REC8: variants seen among roughly 807,000 people sequenced by gnomAD.
REC8 encodes the protein meiotic recombination protein REC8 homolog.
REC8 carries 42 observed loss-of-function variants against 78.3 expected under a neutral mutation model. The observed-to-expected ratio is 0.54, with a 90% CI of 0.42 to 0.69. The LOEUF is 0.69. REC8 is among the 30% of genes least tolerant of loss of function. The pLI is 0.00. For synonymous variants in REC8, 268 were observed against 274.1 expected, an observed-to-expected ratio of 0.98 and a Z score of 0.22; for missense variants, 581 against 715.8, an observed-to-expected ratio of 0.81 and a Z score of 2.15.
intron 6 of REC8, 107 bp from the exon 7 acceptor site, chr14:24,176,715 T>C (rs2139132511): frequency 1.2e-6 from 1 of 834,950 alleles, no homozygotes; most frequent in African/African-American, 1.7e-5. Flanking sequence ...CTGGGTCTGA[T>C]TAGAATCCAG....
Position 24,172,285 on chromosome 14 carries a change from A to G in REC8, c.-268A>G, listed in dbSNP as rs2038702094. 1.6e-5 allele frequency: 8 copies of G among 512,766 alleles called. No individual in the cohort carries two copies. In the South Asian group the frequency reaches 2.0e-4, roughly 13 times the overall value. 31.8% of individuals were successfully genotyped at this position (512,766 alleles called of 1,614,324 possible). A position where few individuals can be genotyped will look rare whatever the true frequency, so the allele number is the denominator to read the frequency against. On this transcript the variant is annotated 5_prime_UTR_variant, in exon 1 of 19. Transcript: ENST00000611366. ...CCTGGAACCCAACCCAGAAGTCTCA[A>G]GTTTGACGCATCACGTGGCGTGCGG...
At chr14:24,178,991 A>G (rs2039033287) in intron 14 of REC8, 75 bp downstream of exon 14, 2 of 1,601,596 alleles carry the variant, frequency 1.2e-6, no homozygotes, top group Non-Finnish European at 1.7e-6. Flanking sequence ...CTCTCCTGCT[A>G]TGAGAGCCAA....
rs781449965 is a variant in REC8, at chr14:24,179,661, G to T, written c.1386G>T (p.Val462=). 6.7e-5 allele frequency: 108 copies of T among 1,614,092 alleles called. No homozygotes were observed. The highest frequency in any genetic ancestry group is 9.1e-5 in the Non-Finnish European group (107 of 1,180,032). The change falls in exon 17 of 19, where the codon GTG becomes GTT. Residue 462 remains valine (V), a synonymous_variant. Coordinates refer to ENST00000611366, the MANE Select transcript of REC8 (RefSeq NM_001048205.2). ...CCGTGGTGCCTGAACTCCCTGAGGTGCCCATGGAGATGCCTTTGGTGCTGC... is the reference window on the plus strand; with the variant it reads ...CCGTGGTGCCTGAACTCCCTGAGGTTCCCATGGAGATGCCTTTGGTGCTGC... ...ALPVVPELPE[V]PMEMPLVLPP...
chr14:24,172,382 C>A lies in REC8; in HGVS notation c.-171C>A. 1 of 621,846 alleles carries A rather than the reference C, an allele frequency of 1.6e-6. No individual in the cohort carries two copies. 38.5% of individuals were successfully genotyped at this position (621,846 alleles called of 1,614,324 possible). On this transcript the variant is annotated 5_prime_UTR_variant, in exon 1 of 19. Coordinates refer to ENST00000611366, the MANE Select transcript of REC8 (RefSeq NM_001048205.2). ...GTTATCCTGGTAATTGTGTATCTGCCCATTGTTCGTTGCCTCATTAACTTG... is the reference window on the plus strand; with the variant it reads ...GTTATCCTGGTAATTGTGTATCTGCACATTGTTCGTTGCCTCATTAACTTG...
rs2038986223 is a variant in REC8 at position 24,178,175 on chromosome 14, G to A, written c.949G>A (p.Glu317Lys). 7 of 1,614,080 alleles carry A rather than the reference G, an allele frequency of 4.3e-6. No homozygotes were observed. The highest frequency in any genetic ancestry group is 3.3e-4 in the Middle Eastern group (2 of 6,058). ...GGACAAGGAGACTCAGATCTCCCCG[G>A]AGAAATTCCAGGAACAACTGCAAAC... The part of the protein sequence containing the change: ...FWDKETQISP[E>K]KFQEQLQTRA... Residue 317 changes from glutamate to lysine, a missense_variant, in exon 12 of 19, where the codon GAG becomes AAG. Physicochemically the swap from Glu to Lys is moderately conservative, Grantham distance 56 (BLOSUM62 1). Transcript: ENST00000611366.
Position 24,172,470 on chromosome 14 carries a change from T to C in REC8, c.-83T>C. The stretch of plus-strand genomic sequence containing the variant: ...CAAATCCTGACTTCTCTCCAAGGTG[T>C]TGGGAATTCTGTGCCCTAAAGAATT... On this transcript the variant is annotated 5_prime_UTR_variant, in exon 1 of 19. Coordinates refer to ENST00000611366, the MANE Select transcript of REC8 (RefSeq NM_001048205.2). 3.5e-6 allele frequency: 5 copies of C among 1,434,664 alleles called. No homozygotes were observed. The highest frequency in any genetic ancestry group is 1.4e-5 in the African/African-American group (1 of 70,576). 88.9% of individuals were successfully genotyped at this position (1,434,664 alleles called of 1,614,324 possible). A position where few individuals can be genotyped will look rare whatever the true frequency, so the allele number is the denominator to read the frequency against.
Position 24,178,154 on chromosome 14 carries a change from A to C in REC8, c.928A>C (p.Lys310Gln). ...TCGTCGCCGGTTACTGTTCTGGGAC[A>C]AGGAGACTCAGATCTCCCCGGAGAA... Reference protein sequence around the residue: ...RRRRRLLFWDKETQISPEKFQ... With the variant: ...RRRRRLLFWDQETQISPEKFQ... The change falls in exon 12 of 19, where the codon AAG becomes CAG. Residue 310 changes from lysine to glutamine, a missense_variant. Transcript: ENST00000611366. The C allele has an allele frequency of 6.2e-7, 1 of 1,614,048 alleles. No individual in the cohort carries two copies. The highest frequency in any genetic ancestry group is 8.5e-7 in the Non-Finnish European group (1 of 1,179,956).
In REC8 at chr14:24,179,141, C is replaced by A. The variant is rs936069683; in HGVS notation, c.1252+8C>A. 2 of 1,567,976 alleles carry A rather than the reference C, an allele frequency of 1.3e-6. No homozygotes were observed. Among genetic ancestry groups the A allele is most frequent in the African/African-American group, 2.7e-5 (2 of 73,434 alleles). On this transcript the variant is annotated splice_region_variant and intron_variant, in intron 15 of 18. Coordinates refer to ENST00000611366, the MANE Select transcript of REC8 (RefSeq NM_001048205.2). ...CCCTTATGGTGTCTTTAGGTAAGCA[C>A]CTAGAGAAGAGGCGCAGTGGGACCA...
At position 24,178,177 on chromosome 14, in the gene REC8, G is replaced by A; in HGVS notation, c.951G>A (p.Glu317=). 1 of 1,614,074 alleles carries A rather than the reference G, an allele frequency of 6.2e-7. No homozygotes were observed. Among genetic ancestry groups the A allele is most frequent in the Non-Finnish European group, 8.5e-7 (1 of 1,179,970 alleles). The change falls in exon 12 of 19, where the codon GAG becomes GAA. Residue 317 remains glutamate (E), a synonymous_variant. Coordinates refer to ENST00000611366, the MANE Select transcript of REC8 (RefSeq NM_001048205.2). Reference sequence around the variant, plus strand: ...ACAAGGAGACTCAGATCTCCCCGGAGAAATTCCAGGAACAACTGCAAACCA... The same window carrying A: ...ACAAGGAGACTCAGATCTCCCCGGAAAAATTCCAGGAACAACTGCAAACCA... The part of the protein sequence containing the change: ...FWDKETQISP[E]KFQEQLQTRA...
downstream of REC8, chr14:24,180,669 C>T: frequency 6.2e-7 from 1 of 1,614,038 alleles, no homozygotes; most frequent in Non-Finnish European, 8.5e-7. Flanking sequence ...CAAGCCCCTG[C>T]CTATGACTCC....
intron 11 of REC8, 24 bp from the exon 12 acceptor site, chr14:24,178,067 C>G: frequency 6.2e-7 from 1 of 1,606,734 alleles, no homozygotes. Context: ...AGCCTTGCCC[C>G]TACCTGCCCT....
Position 24,178,863 on chromosome 14 carries a change from G to A in REC8, c.1150G>A (p.Glu384Lys). 6.2e-7 allele frequency: 1 copy of A among 1,613,648 alleles called. No homozygotes were observed. The change falls in exon 14 of 19, where the codon GAG becomes AAG. Residue 384 changes from glutamate to lysine, a missense_variant. Physicochemically the swap from Glu to Lys is moderately conservative, Grantham distance 56. Coordinates refer to ENST00000611366, the MANE Select transcript of REC8 (RefSeq NM_001048205.2). ...AGCCCTCAGGCGAGAGCTGCCTGAG[G>A]AGGCAGCCGCTGAGGAGGAAAGGAG... ...PKALRRELPE[E>K]AAAEEERRKI...
chr14:24,177,406 C>G, intron 9 of REC8, 23 bp downstream of exon 9: 1 of 1,614,100 alleles, frequency 6.2e-7, no homozygotes, highest in South Asian at 1.1e-5. Context: ...ACTCCTAGAC[C>G]AGGTAGGGTG....
chr14:24,177,778 A>ATCC lies in REC8; in HGVS notation c.864+35_864+37dup, dbSNP rs140077849. On this transcript the variant is annotated intron_variant, in intron 11 of 18. Transcript: ENST00000611366. ...CCAGAGGTGAGTAGCCTCCCTTCTA[A>ATCC]TCCTCCTCCTCCTCCTCTTTGCCCT... 9.8e-3 allele frequency: 15,392 copies of ATCC among 1,577,600 alleles called. 411 individuals carry two copies. The African/African-American group carries it at 0.11, about 11-fold the overall frequency.
At chr14:24,180,282 G>A (rs1458578098), downstream of REC8, 1 of 1,527,230 alleles carries the variant, frequency 6.5e-7, no homozygotes. Flanking sequence ...ATTTGTAACA[G>A]ATCCAGCCTC....
intron 16 of REC8, 59 bp from the exon 17 acceptor site, chr14:24,179,536 G>A: frequency 2.5e-6 from 4 of 1,613,810 alleles, no homozygotes; most frequent in East Asian, 2.2e-5. Context: ...TGCTGGGATG[G>A]GTATGCCCCT....
chr14:24,179,373 C>T (rs753399614), intron 15 of REC8, 24 bp from the exon 16 acceptor site: 28 of 1,613,358 alleles, frequency 1.7e-5, no homozygotes, highest in Non-Finnish European at 2.3e-5. Context: ...CAGACACCCA[C>T]TAGCGCCTTT....
chr14:24,180,580 G>T, downstream of REC8: 2 of 1,613,306 alleles, frequency 1.2e-6, no homozygotes, highest in Non-Finnish European at 1.7e-6. Context: ...TGTCTGGGTG[G>T]AGAGGGAGGG....
At chr14:24,180,867 C>G (rs571956801), downstream of REC8, 2 of 810,848 alleles carry the variant, frequency 2.5e-6, no homozygotes, top group Non-Finnish European at 3.9e-6. Context: ...GTGGTTGCAC[C>G]TGGTACTGAT....
Sources: gnomAD v4.1 joint callset for allele counts on GRCh38, gnomAD v4.1.1 for gene constraint, MANE v1.5 for transcripts, NCBI Gene and HGNC (gene_info 2026-07-23, HGNC 2026-07-21) for gene names.